Variants in ERBB2 observed in about 807,000 individuals in gnomAD.
The protein encoded by ERBB2 is erb-b2 receptor tyrosine kinase 2, also known as receptor tyrosine-protein kinase erbB-2.
A neutral mutation model predicts 149.0 loss-of-function variants in ERBB2; 61 were observed. That is an observed-to-expected ratio of 0.41 (90% confidence interval 0.33 to 0.51). ERBB2 has a LOEUF of 0.51. Ranked by LOEUF, ERBB2 falls within the 20% of genes least tolerant of loss-of-function variation. The pLI is 0.25. For synonymous variants in ERBB2, 633 were observed against 678.8 expected, an observed-to-expected ratio of 0.93 and a Z score of 1.05; for missense variants, 1,205 against 1,655.1, an observed-to-expected ratio of 0.73 and a Z score of 4.72.
chr17:39,712,060 T>C lies in ERBB2; in HGVS notation c.1021+13T>C, dbSNP rs547120411. On this transcript the variant is annotated intron_variant, in intron 8 of 26. Transcript: ENST00000269571. ...CCCTGTGCCCGAGGTACCCACTCAC[T>C]GCCCCCGAGGCCAGCTGCAGTTCCT... The C allele has an allele frequency of 1.9e-6, 3 of 1,613,814 alleles. No individual in the cohort carries two copies. The South Asian group carries it at 3.3e-5, about 18-fold the overall frequency.
At chr17:39,691,107 G>C (rs1275461643), upstream of ERBB2, among the ~76,000 whole-genome samples, 1 of 151,752 alleles carries the variant, frequency 6.6e-6, no homozygotes, top group Non-Finnish European at 1.5e-5. Context: ...GATCAAAATT[G>C]GTAGAGAGTC....
chr17:39,694,329 A>G (rs2057812101), upstream of ERBB2, among the ~76,000 whole-genome samples: 1 of 138,264 alleles, frequency 7.2e-6, no homozygotes, highest in Non-Finnish European at 1.5e-5. Flanking sequence ...ACACACATAT[A>G]TATGTGTATA....
At chr17:39,690,319 C>T (rs955113548), upstream of ERBB2, among the ~76,000 whole-genome samples, 2 of 152,130 alleles carry the variant, frequency 1.3e-5, no homozygotes, top group Non-Finnish European at 2.9e-5. Context: ...TTCCTGGGCT[C>T]GAGTGATCCT....
At chr17:39,714,024 C>T (rs2058970094) in intron 9 of ERBB2, among the ~76,000 whole-genome samples, 1 of 146,670 alleles carries the variant, frequency 6.8e-6, no homozygotes, top group Non-Finnish European at 1.5e-5. Context: ...TGTCACTGTA[C>T]TCCAGCCTGG....
At chr17:39,694,182 ACT>A (rs1227356434), upstream of ERBB2, among the ~76,000 whole-genome samples, 21 of 108,356 alleles carry the variant, frequency 1.9e-4, no homozygotes, top group African/African-American at 7.6e-4. Context: ...TGACAGTGAG[ACT>A]CTGTCTCAGA....
chr17:39,721,434 C>T (rs189873140), intron 16 of ERBB2, among the ~76,000 whole-genome samples: 34 of 152,138 alleles, frequency 2.2e-4, no homozygotes, highest in African/African-American at 6.5e-4. Context: ...CTACCACGTC[C>T]GGCTAATTTT....
rs1435746129 is a variant in ERBB2 at position 39,723,705 on chromosome 17, G to A, written c.2208+45G>A. 1.9e-6 allele frequency: 3 copies of A among 1,575,552 alleles called. No individual in the cohort carries two copies. Among genetic ancestry groups the A allele is most frequent in the Admixed American group, 1.9e-5 (1 of 53,858 alleles). On this transcript the variant is annotated intron_variant, in intron 18 of 26. Coordinates refer to ENST00000269571, the MANE Select transcript of ERBB2 (RefSeq NM_004448.4). The surrounding 1 kb of genome is among the most constrained non-coding windows in gnomAD (Gnocchi z 6.2). ...GTGGGCGGCCCCAGAGGATGGGGGCGGTGCCTGGAGGGGTGTGGTCGGCAG... is the reference window on the plus strand; with the variant it reads ...GTGGGCGGCCCCAGAGGATGGGGGCAGTGCCTGGAGGGGTGTGGTCGGCAG...
At position 39,710,083 on chromosome 17, in the gene ERBB2, C is replaced by T. The variant is rs2145501001; in HGVS notation, c.644-3C>T. The T allele has an allele frequency of 6.2e-7, 1 of 1,603,732 alleles. No homozygotes were observed. Among genetic ancestry groups the T allele is most frequent in the Non-Finnish European group, 8.5e-7 (1 of 1,176,074 alleles). On this transcript the variant is annotated splice_region_variant and splice_polypyrimidine_tract_variant and intron_variant, in intron 5 of 26. Transcript: ENST00000269571. ...AGCCCTCATCCTGCCCTTTGCCCAA[C>T]AGTGACGCGCACTGTCTGTGCCGGT...
In ERBB2 at chr17:39,724,925, C is replaced by T. The variant is rs921436484; in HGVS notation, c.2493+14C>T. The T allele has an allele frequency of 6.2e-7, 1 of 1,612,494 alleles. No homozygotes were observed. The highest frequency in any genetic ancestry group is 8.5e-7 in the Non-Finnish European group (1 of 1,178,842). Reference sequence around the variant, plus strand: ...CAGATTGCCAAGGTATGCACCTGGGCTCTTTGCAGGTCTCTCCGGAGCAAA... The same window carrying T: ...CAGATTGCCAAGGTATGCACCTGGGTTCTTTGCAGGTCTCTCCGGAGCAAA... On this transcript the variant is annotated intron_variant, in intron 20 of 26. Coordinates refer to ENST00000269571, the MANE Select transcript of ERBB2 (RefSeq NM_004448.4).
At position 39,709,283 on chromosome 17, in the gene ERBB2, G is replaced by C. The variant is rs1300785136; in HGVS notation, c.440-35G>C. 4 of 1,612,532 alleles carry C rather than the reference G, an allele frequency of 2.5e-6. No homozygotes were observed. In the African/African-American group the frequency reaches 5.3e-5, roughly 22 times the overall value. Reference sequence around the variant, plus strand: ...CAAGGGAAGCAGAAGGTGACAGAAGGGGAAAGGGTCCTCTGATCATTGCTC... The same window carrying C: ...CAAGGGAAGCAGAAGGTGACAGAAGCGGAAAGGGTCCTCTGATCATTGCTC... On this transcript the variant is annotated intron_variant, in intron 3 of 26. Transcript: ENST00000269571.
Position 39,723,519 on chromosome 17 carries a change from C to A in ERBB2, c.2086-19C>A, listed in dbSNP as rs765356780. 20 of 1,612,868 alleles carry A rather than the reference C, an allele frequency of 1.2e-5. No individual in the cohort carries two copies. Among genetic ancestry groups the A allele is most frequent in the Non-Finnish European group, 1.7e-5 (20 of 1,179,542 alleles). On this transcript the variant is annotated intron_variant, in intron 17 of 26. Transcript: ENST00000269571. This position sits in a 1 kb window ranked among gnomAD's most constrained non-coding sequence, Gnocchi z 6.2. ...TCTGCACCGGCCCCCGGCACTGACC[C>A]ACCACCCCCTCACCCCAGCTGGTGG...
rs781713745 is a variant in ERBB2, at chr17:39,726,955, G to A, written c.3111G>A (p.Pro1037=). The A allele has an allele frequency of 1.6e-5, 25 of 1,611,340 alleles. No homozygotes were observed. In the East Asian group the frequency reaches 2.7e-4, roughly 17 times the overall value. The change falls in exon 25 of 27, where the codon CCG becomes CCA. Residue 1037 remains proline, a synonymous_variant. Coordinates refer to ENST00000269571, the MANE Select transcript of ERBB2 (RefSeq NM_004448.4). The surrounding 1 kb of genome is among the most constrained non-coding windows in gnomAD (Gnocchi z 5.1). ...QQGFFCPDPA[P]GAGGMVHHRH... is the part of the protein sequence containing the mutation. ...GCTTCTTCTGTCCAGACCCTGCCCC[G>A]GGCGCTGGGGGCATGGTCCACCACA... is the stretch of plus-strand genomic sequence containing the variant.
In ERBB2 at chr17:39,723,314, C is replaced by A. The variant is rs2145801567; in HGVS notation, c.1947-5C>A. The A allele has an allele frequency of 6.2e-7, 1 of 1,613,914 alleles. No individual in the cohort carries two copies. Among genetic ancestry groups the A allele is most frequent in the South Asian group, 1.1e-5 (1 of 91,070 alleles). On this transcript the variant is annotated splice_region_variant and splice_polypyrimidine_tract_variant and intron_variant, in intron 16 of 26. Coordinates refer to ENST00000269571, the MANE Select transcript of ERBB2 (RefSeq NM_004448.4). This position sits in a 1 kb window ranked among gnomAD's most constrained non-coding sequence, Gnocchi z 6.2. Reference sequence around the variant, plus strand: ...TCAATCCCTGACCCTGGCTTCCGCCCCCAGCCCTCTGACGTCCATCATCTC... The same window carrying A: ...TCAATCCCTGACCCTGGCTTCCGCCACCAGCCCTCTGACGTCCATCATCTC...
In ERBB2 at chr17:39,726,340, TAAA is replaced by T. The variant is rs2059756974; in HGVS notation, c.2873-218_2873-216del. On this transcript the variant is annotated intron_variant, in intron 23 of 26. Transcript: ENST00000269571. This position sits in a 1 kb window ranked among gnomAD's most constrained non-coding sequence, Gnocchi z 5.1. The stretch of plus-strand genomic sequence containing the variant: ...AGAGCGAAACCTCATCTCAAAAAAA[TAAA>T]AAAGCAAACAAAAAGAAAAAAAAAA... The T allele has an allele frequency of 3.6e-6, 2 of 554,356 alleles. No individual in the cohort carries two copies. The highest frequency in any genetic ancestry group is 6.4e-6 in the Non-Finnish European group (2 of 310,632). 34.3% of individuals were successfully genotyped at this position (554,356 alleles called of 1,614,324 possible). A position where few individuals can be genotyped will look rare whatever the true frequency, so the allele number is the denominator to read the frequency against.
intron 1 of ERBB2, chr17:39,688,288 T>C (rs1385172982): frequency 6.0e-6 from 2 of 335,830 alleles, no homozygotes; most frequent in African/African-American, 4.2e-5. Flanking sequence ...GGTAGGGCTG[T>C]TTACTGTCAC....
chr17:39,692,000 T>C (rs2145195722), upstream of ERBB2, among the ~76,000 whole-genome samples: 1 of 149,988 alleles, frequency 6.7e-6, no homozygotes, highest in East Asian at 1.9e-4. Context: ...ATTACAGGTG[T>C]GTGCCACCAC....
In ERBB2 at chr17:39,724,926, T is replaced by C. The variant is rs760216632; in HGVS notation, c.2493+15T>C. ...AGATTGCCAAGGTATGCACCTGGGC[T>C]CTTTGCAGGTCTCTCCGGAGCAAAC... On this transcript the variant is annotated intron_variant, in intron 20 of 26. Transcript: ENST00000269571. 20 of 1,611,972 alleles carry C rather than the reference T, an allele frequency of 1.2e-5. No individual in the cohort carries two copies. The Admixed American group carries it at 1.7e-4, about 13-fold the overall frequency.
chr17:39,723,769 G>C lies in ERBB2; in HGVS notation c.2208+109G>C. ...GGCAAGAGCTGGAGGCAGTGTTTGG[G>C]GGAGGGCAGTTACAGCGGAGAAGGG... On this transcript the variant is annotated intron_variant, in intron 18 of 26. Coordinates refer to ENST00000269571, the MANE Select transcript of ERBB2 (RefSeq NM_004448.4). This position sits in a 1 kb window ranked among gnomAD's most constrained non-coding sequence, Gnocchi z 6.2. 1 of 1,520,788 alleles carries C rather than the reference G, an allele frequency of 6.6e-7. No individual in the cohort carries two copies. The highest frequency in any genetic ancestry group is 8.9e-7 in the Non-Finnish European group (1 of 1,122,334). The allele number at this position is 1,520,788 out of a possible 1,614,324, so 94.2% of individuals were successfully genotyped here. A position where few individuals can be genotyped will look rare whatever the true frequency, so the allele number is the denominator to read the frequency against.
chr17:39,702,050 C>A (rs1283892058), intron 1 of ERBB2, among the ~76,000 whole-genome samples: 1 of 152,166 alleles, frequency 6.6e-6, no homozygotes, highest in African/African-American at 2.4e-5. Context: ...CATGTCCTCA[C>A]CCCTCAACCT....
Sources: gnomAD v4.1 joint callset for allele counts (sites outside exome capture counted in the v4.1 genomes callset) on GRCh38, gnomAD v4.1.1 for gene constraint, Gnocchi (gnomAD v3.1) non-coding constraint, MANE v1.5 for transcripts, NCBI Gene and HGNC (gene_info 2026-07-23, HGNC 2026-07-21) for gene names.